TDRD10: variants seen among roughly 807,000 people sequenced by gnomAD.
The protein encoded by TDRD10 is tudor domain-containing protein 10.
Under a neutral mutation model 48.0 loss-of-function variants are expected in TDRD10, and 40 were observed. The observed-to-expected ratio is 0.83, with a 90% CI of 0.65 to 1.09. The LOEUF (loss-of-function observed/expected upper bound fraction) is 1.09. TDRD10 is among the 50% of genes least tolerant of loss of function. The pLI, the probability that TDRD10 is intolerant of heterozygous loss-of-function variation, is 0.00. For missense variants in TDRD10, 378 were observed against 434.7 expected, an observed-to-expected ratio of 0.87 and a Z score of 1.16; for synonymous variants, 162 against 170.4, an observed-to-expected ratio of 0.95 and a Z score of 0.38.
chr1:154,529,705 C>T (rs1254654454), intron 6 of TDRD10, among the ~76,000 whole-genome samples: 6 of 151,942 alleles, frequency 3.9e-5, no homozygotes, highest in Admixed American at 1.3e-4. Flanking sequence ...ACCACCACAC[C>T]GGCTAATTTT....
chr1:154,519,497 A>G (rs759206419), intron 4 of TDRD10, among the ~76,000 whole-genome samples: 1 of 152,180 alleles, frequency 6.6e-6, no homozygotes, highest in Non-Finnish European at 1.5e-5. Flanking sequence ...TGAGGGGTGC[A>G]GGCAGGAGGT....
chr1:154,503,576 A>T (rs530809116), intron 1 of TDRD10, among the ~76,000 whole-genome samples: 36 of 152,358 alleles, frequency 2.4e-4, no homozygotes, highest in Non-Finnish European at 4.6e-4. Flanking sequence ...CGACAGAGCG[A>T]GACTCCGTCT....
At chr1:154,519,063 T>C (rs1366543823) in intron 4 of TDRD10, among the ~76,000 whole-genome samples, 2 of 152,240 alleles carry the variant, frequency 1.3e-5, no homozygotes, top group African/African-American at 4.8e-5. Context: ...CTGATCCTTA[T>C]TTTATGCCTC....
In TDRD10 at chr1:154,543,946, C is replaced by T. The variant is rs114098415; in HGVS notation, c.504-17C>T. 164 of 1,613,586 alleles carry T rather than the reference C, an allele frequency of 1.0e-4. 1 individual carries two copies. The African/African-American group carries it at 1.9e-3, about 19-fold the overall frequency. ...GTCCAGTCGTTCCTTTCCTTGCTCC[C>T]CTTGCTCTTCCCGCAGAGGGTCCTT... On this transcript the variant is annotated splice_polypyrimidine_tract_variant and intron_variant, in intron 8 of 12. Coordinates refer to ENST00000368482, the MANE Select transcript of TDRD10 (RefSeq NM_182499.4).
chr1:154,544,216 T>C, intron 9 of TDRD10, 106 bp downstream of exon 9: 1 of 1,570,166 alleles, frequency 6.4e-7, no homozygotes, highest in Non-Finnish European at 8.7e-7. Context: ...GCAGGGTAAC[T>C]ACGGTCTGAT....
chr1:154,507,488 G>A (rs975898458), intron 3 of TDRD10, among the ~76,000 whole-genome samples, 168 bp downstream of exon 3: 4 of 152,116 alleles, frequency 2.6e-5, no homozygotes, highest in African/African-American at 9.7e-5. Flanking sequence ...CATAGTGGAT[G>A]TGGCGCCTGC....
In TDRD10 at chr1:154,543,959, G is replaced by A. The variant is rs373556830; in HGVS notation, c.504-4G>A. 1.4e-5 allele frequency: 22 copies of A among 1,605,092 alleles called. No individual in the cohort carries two copies. Among genetic ancestry groups the A allele is most frequent in the Middle Eastern group, 1.7e-4 (1 of 6,032 alleles). ...TTTCCTTGCTCCCCTTGCTCTTCCCGCAGAGGGTCCTTCCTGGTGCTGCTC... is the reference window on the plus strand; with the variant it reads ...TTTCCTTGCTCCCCTTGCTCTTCCCACAGAGGGTCCTTCCTGGTGCTGCTC... On this transcript the variant is annotated splice_region_variant and splice_polypyrimidine_tract_variant and intron_variant, in intron 8 of 12. Transcript: ENST00000368482.
At chr1:154,534,498 C>T (rs538456803) in intron 6 of TDRD10, 2 of 152,398 alleles carry the variant, frequency 1.3e-5, no homozygotes, top group Admixed American at 6.5e-5. Flanking sequence ...TCAAGTCAGC[C>T]ACCTTTGATG....
rs1695696652 is a variant in TDRD10, at chr1:154,547,910, TTCCC to T, written c.*201_*204del. 1 of 626,122 alleles carries T rather than the reference TTCCC, an allele frequency of 1.6e-6. No homozygotes were observed. The highest frequency in any genetic ancestry group is 2.8e-6 in the Non-Finnish European group (1 of 359,388). The allele number at this position is 626,122 out of a possible 1,614,324, so 38.8% of individuals were successfully genotyped here. On this transcript the variant is annotated 3_prime_UTR_variant, in exon 13 of 13. Transcript: ENST00000368482. Reference sequence around the variant, plus strand: ...AGTCTCATTTGTCATGTGTCTTCAGTTCCCCAACTTGGCATGAACATTTGAACCA... The same window carrying T: ...AGTCTCATTTGTCATGTGTCTTCAGTCAACTTGGCATGAACATTTGAACCA...
chr1:154,507,409 G>A, intron 3 of TDRD10, 89 bp downstream of exon 3: 1 of 1,466,278 alleles, frequency 6.8e-7, no homozygotes, highest in Middle Eastern at 2.1e-4. Flanking sequence ...CCCAGTTTCT[G>A]TTCAATGTGA....
rs59257227 is a variant in TDRD10, at chr1:154,538,550, C to CA, written c.370-3453dup. On this transcript the variant is annotated intron_variant, in intron 6 of 12. Coordinates refer to ENST00000368482, the MANE Select transcript of TDRD10 (RefSeq NM_182499.4). The stretch of plus-strand genomic sequence containing the variant: ...GGGCAACAAGAGCGAAACTCTATCT[C>CA]AAAAAAAAAAAAAAAAAAAAAGGCC... Among the ~76,000 whole-genome samples the CA allele has an allele frequency of 7.4e-3, 424 of 57,266 alleles. 6 individuals carry two copies. Among genetic ancestry groups the CA allele is most frequent in the South Asian group, 0.053 (70 of 1,330 alleles). 37.6% of individuals were successfully genotyped at this position (57,266 alleles called of 152,430 possible).
chr1:154,544,706 C>CTCCACTTTCACA, intron 10 of TDRD10, 89 bp from the exon 11 acceptor site: 4 of 1,539,142 alleles, frequency 2.6e-6, no homozygotes, highest in Non-Finnish European at 3.5e-6. Context: ...TCCCTCCTAC[C>CTCCACTTTCACA]TCCACTTTCA....
chr1:154,544,517 G>GGT lies in TDRD10; in HGVS notation c.797+6_797+7dup. The GGT allele has an allele frequency of 6.2e-7, 1 of 1,613,664 alleles. No individual in the cohort carries two copies. The highest frequency in any genetic ancestry group is 1.7e-5 in the Admixed American group (1 of 60,016). ...GGGGATTATGGACACGCCTGGAACA[G>GGT]GTGTGTGCCTGGGCAGGGGTAGAGT... is the stretch of plus-strand genomic sequence containing the variant. On this transcript the variant is annotated frameshift_variant and splice_region_variant. Coordinates refer to ENST00000368482, the MANE Select transcript of TDRD10 (RefSeq NM_182499.4). LOFTEE classifies it high-confidence loss of function.
intron 6 of TDRD10, among the ~76,000 whole-genome samples, chr1:154,537,580 C>T (rs1031184187): frequency 1.3e-5 from 2 of 152,104 alleles, no homozygotes; most frequent in African/African-American, 4.8e-5. Context: ...AGAGAGATGG[C>T]CCAGGGTTGT....
chr1:154,543,958 C>T lies in TDRD10; in HGVS notation c.504-5C>T, dbSNP rs780704841. 37 of 1,613,754 alleles carry T rather than the reference C, an allele frequency of 2.3e-5. No individual in the cohort carries two copies. Among genetic ancestry groups the T allele is most frequent in the South Asian group, 4.4e-5 (4 of 91,078 alleles). On this transcript the variant is annotated splice_region_variant and splice_polypyrimidine_tract_variant and intron_variant, in intron 8 of 12. Transcript: ENST00000368482. ...CTTTCCTTGCTCCCCTTGCTCTTCCCGCAGAGGGTCCTTCCTGGTGCTGCT... is the reference window on the plus strand; with the variant it reads ...CTTTCCTTGCTCCCCTTGCTCTTCCTGCAGAGGGTCCTTCCTGGTGCTGCT...
intron 11 of TDRD10, among the ~76,000 whole-genome samples, chr1:154,546,391 A>T (rs57384315): frequency 9.1e-5 from 9 of 98,424 alleles, no homozygotes; most frequent in Non-Finnish European, 1.8e-4. Flanking sequence ...ATATATATAA[A>T]ATATATGTAT....
chr1:154,536,252 T>C (rs1368358119), intron 6 of TDRD10, among the ~76,000 whole-genome samples: 1 of 152,202 alleles, frequency 6.6e-6, no homozygotes, highest in African/African-American at 2.4e-5. Flanking sequence ...GGCACATGCC[T>C]GTAATCCTAG....
At chr1:154,538,889 C>G (rs148179718) in intron 6 of TDRD10, among the ~76,000 whole-genome samples, 5 of 151,680 alleles carry the variant, frequency 3.3e-5, no homozygotes, top group African/African-American at 9.7e-5. Context: ...AGAGGCAGAA[C>G]GTGGTTGGTT....
At chr1:154,542,175 C>A in intron 7 of TDRD10, 109 bp downstream of exon 7, 1 of 1,087,738 alleles carries the variant, frequency 9.2e-7, no homozygotes, top group Non-Finnish European at 1.4e-6. Flanking sequence ...CCTGATGACC[C>A]TTAGTGTAGA....
Sources: gnomAD v4.1 joint callset for allele counts (sites outside exome capture counted in the v4.1 genomes callset) on GRCh38, gnomAD v4.1.1 for gene constraint, MANE v1.5 for transcripts, NCBI Gene and HGNC (gene_info 2026-07-23, HGNC 2026-07-21) for gene names.